Variants in ABCG2 observed in about 807,000 individuals in gnomAD.
ABCG2 encodes broad substrate specificity ATP-binding cassette transporter ABCG2.
Under a neutral mutation model 73.5 loss-of-function variants are expected in ABCG2, and 80 were observed. That is an observed-to-expected ratio of 1.09 (90% CI 0.91 to 1.31). The LOEUF is 1.31. ABCG2 is among the 50% of genes most tolerant of loss of function. ABCG2 has a pLI of 0.00. For missense variants in ABCG2, 796 were observed against 786.2 expected (o/e 1.01, Z -0.15); for synonymous variants, 269 against 282.4 (o/e 0.95, Z 0.48).
At chr4:88,213,786 G>A (rs937575963) in intron 1 of ABCG2, among the ~76,000 whole-genome samples, 2 of 151,686 alleles carry the variant, frequency 1.3e-5, no homozygotes, top group Non-Finnish European at 2.9e-5. Context: ...GGATTCAAGC[G>A]ATTCCCCTGC....
At chr4:88,215,605 A>C (rs1481011) in intron 1 of ABCG2, among the ~76,000 whole-genome samples, 144,215 of 152,178 alleles carry the variant, frequency 0.95, 68,451 homozygotes, top group Non-Finnish European at 0.98. Context: ...CTTTCATTTC[A>C]GTGGGAATAA....
chr4:88,152,520 C>G (rs1726576255), intron 1 of ABCG2, among the ~76,000 whole-genome samples: 1 of 151,966 alleles, frequency 6.6e-6, no homozygotes, highest in African/African-American at 2.4e-5. Context: ...GGTGGGGCGT[C>G]ACAGGGTGCT....
chr4:88,099,577 G>T, intron 11 of ABCG2, 129 bp from the exon 12 acceptor site: 1 of 914,996 alleles, frequency 1.1e-6, no homozygotes, highest in Non-Finnish European at 1.6e-6. Context: ...CATCCTCAGG[G>T]CTAGACCCAC....
At chr4:88,124,027 G>T (rs1217171743) in intron 5 of ABCG2, among the ~76,000 whole-genome samples, 1 of 152,130 alleles carries the variant, frequency 6.6e-6, no homozygotes, top group African/African-American at 2.4e-5. Context: ...TTAAAGAAAA[G>T]AATTTTTCAC....
intron 1 of ABCG2, among the ~76,000 whole-genome samples, chr4:88,155,569 A>T (rs976325219): frequency 6.6e-6 from 1 of 152,230 alleles, no homozygotes; most frequent in African/African-American, 2.4e-5. Context: ...CAGACTTAGC[A>T]TTTGCTAAGT....
intron 1 of ABCG2, among the ~76,000 whole-genome samples, chr4:88,225,914 G>A (rs1318926994): frequency 6.6e-6 from 1 of 152,020 alleles, no homozygotes; most frequent in Non-Finnish European, 1.5e-5. Context: ...AAGTGAAAGG[G>A]GTTTCCCCTT....
chr4:88,149,925 C>T (rs751260820), intron 1 of ABCG2, among the ~76,000 whole-genome samples: 29 of 151,954 alleles, frequency 1.9e-4, no homozygotes, highest in Admixed American at 1.2e-3. Context: ...CAGGAGTGAA[C>T]AAAACAAAAC....
chr4:88,212,116 G>A (rs1210792247), intron 1 of ABCG2, among the ~76,000 whole-genome samples: 1 of 152,092 alleles, frequency 6.6e-6, no homozygotes, highest in Non-Finnish European at 1.5e-5. Flanking sequence ...CCTAGCTTTA[G>A]GTGAAAACCA....
chr4:88,118,123 T>A lies in ABCG2; in HGVS notation c.827A>T (p.Tyr276Phe), dbSNP rs766238395. 10 of 1,612,470 alleles carry A rather than the reference T, an allele frequency of 6.2e-6. No individual in the cohort carries two copies. The East Asian group carries it at 2.0e-4, about 32-fold the overall frequency. ...GTCAACCATACCAGCTGATTCAAAG[T>A]ATCCCAAGGCCTCCTGAGCAGGCCC... ...FHGPAQEALG[Y>F]FESAGYHCEA... Residue 276 changes from tyrosine (Y) to phenylalanine (F), a missense_variant, in exon 7 of 16, where the codon TAC (tyrosine) becomes TTC (phenylalanine). Tyr to Phe is a conservative substitution (Grantham distance 22). Coordinates refer to ENST00000237612, the MANE Select transcript of ABCG2 (RefSeq NM_004827.3).
intron 1 of ABCG2, among the ~76,000 whole-genome samples, chr4:88,221,348 A>G (rs1329814214): frequency 6.6e-6 from 1 of 152,214 alleles, no homozygotes; most frequent in Non-Finnish European, 1.5e-5. Flanking sequence ...GGACTAATAC[A>G]GTAAATTGGT....
chr4:88,193,624 A>G (rs941967800), intron 1 of ABCG2, among the ~76,000 whole-genome samples: 2 of 152,206 alleles, frequency 1.3e-5, no homozygotes, highest in Non-Finnish European at 2.9e-5. Flanking sequence ...GCTCAACTAC[A>G]TTTTTGCTAG....
chr4:88,113,676 A>C lies in ABCG2; in HGVS notation c.944-123T>G, dbSNP rs923121454. 12 of 1,306,934 alleles carry C rather than the reference A, an allele frequency of 9.2e-6. No individual in the cohort carries two copies. In the Middle Eastern group the frequency reaches 1.1e-3, roughly 117 times the overall value. The allele number at this position is 1,306,934 out of a possible 1,614,324, so 81.0% of individuals were successfully genotyped here. A position where few individuals can be genotyped will look rare whatever the true frequency, so the allele number is the denominator to read the frequency against. On this transcript the variant is annotated intron_variant, in intron 8 of 15. Coordinates refer to ENST00000237612, the MANE Select transcript of ABCG2 (RefSeq NM_004827.3). ...TTCATTCTAAAGCTTTAGAAAGAAA[A>C]AATAGGCCAGGCACGGCGGCTCATG...
chr4:88,119,523 G>A (rs976622291), intron 6 of ABCG2, among the ~76,000 whole-genome samples: 1 of 152,234 alleles, frequency 6.6e-6, no homozygotes, highest in African/African-American at 2.4e-5. Context: ...CTGAAATGCT[G>A]ACAGTGATAT....
At chr4:88,204,163 T>C (rs1729290269) in intron 1 of ABCG2, among the ~76,000 whole-genome samples, 1 of 152,180 alleles carries the variant, frequency 6.6e-6, no homozygotes. Context: ...GGCTCATGCC[T>C]GTAATCCCAG....
chr4:88,189,595 A>G (rs1434159244), intron 1 of ABCG2, among the ~76,000 whole-genome samples: 1 of 152,162 alleles, frequency 6.6e-6, no homozygotes, highest in African/African-American at 2.4e-5. Flanking sequence ...TTGATTTTGT[A>G]TGCCTCTATT....
chr4:88,159,234 G>T, upstream of ABCG2: 1 of 455,890 alleles, frequency 2.2e-6, no homozygotes, highest in Non-Finnish European at 4.4e-6. Flanking sequence ...TTTGGTCGCC[G>T]TCACTGGCCG....
Position 88,092,330 on chromosome 4 carries a change from C to A in ABCG2, c.1872G>T (p.Trp624Cys). 6.2e-7 allele frequency: 1 copy of A among 1,613,706 alleles called. No individual in the cohort carries two copies. Among genetic ancestry groups the A allele is most frequent in the Non-Finnish European group, 8.5e-7 (1 of 1,179,902 alleles). The change falls in exon 16 of 16, where the codon TGG becomes TGT. Residue 624 changes from tryptophan to cysteine, a missense_variant. By Grantham distance (215) the Trp-to-Cys change is radical. Coordinates refer to ENST00000237612, the MANE Select transcript of ABCG2 (RefSeq NM_004827.3). ...AGGCCACGTGATTCTTCCACAAGCCCCAGGGTGAGAGATCGATGCCCTGCT... is the reference window on the plus strand; with the variant it reads ...AGGCCACGTGATTCTTCCACAAGCCACAGGGTGAGAGATCGATGCCCTGCT... ...LVKQGIDLSP[W>C]GLWKNHVALA... is the part of the protein sequence containing the mutation.
chr4:88,156,819 A>G (rs1726973889), intron 1 of ABCG2, among the ~76,000 whole-genome samples: 1 of 152,190 alleles, frequency 6.6e-6, no homozygotes, highest in South Asian at 2.1e-4. Flanking sequence ...AATAAGAAGT[A>G]TCGGCTAGGG....
At chr4:88,215,923 T>A (rs1191684426) in intron 1 of ABCG2, among the ~76,000 whole-genome samples, 1 of 152,234 alleles carries the variant, frequency 6.6e-6, no homozygotes, top group Admixed American at 6.5e-5. Flanking sequence ...AGCTCTTCCA[T>A]CCACTGATGA....
Sources: gnomAD v4.1 joint callset for allele counts (sites outside exome capture counted in the v4.1 genomes callset) on GRCh38, gnomAD v4.1.1 for gene constraint, MANE v1.5 for transcripts, NCBI Gene and HGNC (gene_info 2026-07-23, HGNC 2026-07-21) for gene names.